EPHA2: variants seen among roughly 807,000 people sequenced by gnomAD.
EPHA2 encodes ephrin type-A receptor 2.
In EPHA2, 54 loss-of-function variants were observed where a neutral mutation model predicts 104.9. The ratio of observed to expected loss-of-function variants is 0.51; its 90% CI spans 0.41 to 0.65. The LOEUF (loss-of-function observed/expected upper bound fraction) is 0.65. Ranked by LOEUF, EPHA2 falls within the 30% of genes least tolerant of loss-of-function variation. The probability of loss-of-function intolerance (pLI) is 0.00; values close to 1 mark genes in which losing one functional copy is unlikely to be tolerated. For missense variants in EPHA2, 1,117 were observed against 1,369.5 expected (o/e 0.82, Z 2.91); for synonymous variants, 560 against 559.1 (o/e 1.00, Z -0.02).
chr1:16,151,603 C>G (rs985172902), intron 1 of EPHA2, among the ~76,000 whole-genome samples: 10 of 152,114 alleles, frequency 6.6e-5, no homozygotes, highest in African/African-American at 2.4e-4. Context: ...ATCTTCTCAC[C>G]ACAAAAGCCA....
At chr1:16,133,122 A>T (rs1170007805) in intron 11 of EPHA2, 58 bp downstream of exon 11, 1 of 1,605,824 alleles carries the variant, frequency 6.2e-7, no homozygotes, top group East Asian at 2.2e-5. Context: ...ACAGTCACAG[A>T]CAGAGCCCCT....
rs532315008 is a variant in EPHA2, at chr1:16,142,844, G to A, written c.824-4414C>T. On this transcript the variant is annotated intron_variant, in intron 3 of 16. Transcript: ENST00000358432. ...TGGATAGGTGGATGGCTGGGTGGAG[G>A]GGTGGATAGATGGATGGATGGGGCG... Among the ~76,000 whole-genome samples, 4 of 150,262 alleles carry A rather than the reference G, an allele frequency of 2.7e-5. No homozygotes were observed. The South Asian group carries it at 8.6e-4, about 32-fold the overall frequency.
chr1:16,141,506 GGA>G (rs755516372), intron 3 of EPHA2, among the ~76,000 whole-genome samples: 16 of 152,240 alleles, frequency 1.1e-4, no homozygotes, highest in Non-Finnish European at 1.9e-4. Flanking sequence ...ACTTGTCTGT[GGA>G]GGAGACTTCA....
In EPHA2 at chr1:16,135,139, G is replaced by C; in HGVS notation, c.1479C>G (p.Thr493=). 6.2e-7 allele frequency: 1 copy of C among 1,614,044 alleles called. No individual in the cohort carries two copies. The highest frequency in any genetic ancestry group is 8.5e-7 in the Non-Finnish European group (1 of 1,180,024). ...TGGTGTCTGGGGCCAGGTCGTCCAG[G>C]GTCACGGAGAAACCCTCGGTGCGGC... is the stretch of plus-strand genomic sequence containing the variant. The part of the protein sequence containing the change: ...NVRRTEGFSV[T]LDDLAPDTTY... The change falls in exon 7 of 17, where the codon ACC becomes ACG. Residue 493 remains threonine (T), a synonymous_variant. Coordinates refer to ENST00000358432, the MANE Select transcript of EPHA2 (RefSeq NM_004431.5). The surrounding 1 kb of genome is among the most constrained non-coding windows in gnomAD (Gnocchi z 4.3).
intron 16 of EPHA2, among the ~76,000 whole-genome samples, chr1:16,126,862 T>C (rs1257785619): frequency 6.6e-6 from 1 of 152,060 alleles, no homozygotes; most frequent in African/African-American, 2.4e-5. Context: ...TCTGGGCCCA[T>C]CACCCCCACA....
rs1013637282 is a variant in EPHA2 at position 16,125,003 on chromosome 1, C to T, written c.*212G>A. 7 of 598,280 alleles carry T rather than the reference C, an allele frequency of 1.2e-5. No homozygotes were observed. Among genetic ancestry groups the T allele is most frequent in the Middle Eastern group, 4.1e-4 (1 of 2,428 alleles). 37.1% of individuals were successfully genotyped at this position (598,280 alleles called of 1,614,324 possible). On this transcript the variant is annotated 3_prime_UTR_variant, in exon 17 of 17. Coordinates refer to ENST00000358432, the MANE Select transcript of EPHA2 (RefSeq NM_004431.5). The surrounding 1 kb of genome is among the most constrained non-coding windows in gnomAD (Gnocchi z 4.9). ...TGCCTGCTAAGTGCTCAGCTGTGTG[C>T]GTCTCGCAGGGAAAGAGGGCCCAGC...
Position 16,134,002 on chromosome 1 carries a change from T to TCCTAGGACCAA in EPHA2, c.1683-88_1683-87insTTGGTCCTAGG. On this transcript the variant is annotated intron_variant, in intron 8 of 16. Transcript: ENST00000358432. The surrounding 1 kb of genome is among the most constrained non-coding windows in gnomAD (Gnocchi z 4.5). Reference sequence around the variant, plus strand: ...AAGCCTCCTGGCCCTACTTTGGTCCTAGGAGGACCTGGGGTGCTCAGAATG... The same window carrying TCCTAGGACCAA: ...AAGCCTCCTGGCCCTACTTTGGTCCTCCTAGGACCAAAGGAGGACCTGGGGTGCTCAGAATG... The TCCTAGGACCAA allele has an allele frequency of 7.2e-7, 1 of 1,387,220 alleles. No individual in the cohort carries two copies. The highest frequency in any genetic ancestry group is 9.8e-7 in the Non-Finnish European group (1 of 1,016,606). The allele number at this position is 1,387,220 out of a possible 1,614,324, so 85.9% of individuals were successfully genotyped here.
Position 16,131,938 on chromosome 1 carries a change from C to A in EPHA2, c.2326-68G>T. On this transcript the variant is annotated intron_variant, in intron 13 of 16. Coordinates refer to ENST00000358432, the MANE Select transcript of EPHA2 (RefSeq NM_004431.5). The surrounding 1 kb of genome is among the most constrained non-coding windows in gnomAD (Gnocchi z 5.2). ...GGCCCCAGGACCATTGCAGCCAAGC[C>A]CCACGACCCCTCCCTGGACTCCTAC... 1 of 1,599,578 alleles carries A rather than the reference C, an allele frequency of 6.3e-7. No homozygotes were observed. The highest frequency in any genetic ancestry group is 8.5e-7 in the Non-Finnish European group (1 of 1,172,300).
rs777969381 is a variant in EPHA2, at chr1:16,129,414, C to T, written c.2825+20G>A. 2.1e-5 allele frequency: 33 copies of T among 1,609,446 alleles called. No homozygotes were observed. The highest frequency in any genetic ancestry group is 5.0e-5 in the Admixed American group (3 of 59,890). On this transcript the variant is annotated intron_variant, in intron 16 of 16. Coordinates refer to ENST00000358432, the MANE Select transcript of EPHA2 (RefSeq NM_004431.5). ...GTGGGAGGCGGGAGGCGAGGGGGGA[C>T]GGAAAGGGGCCTGACTTACTCGTTG...
chr1:16,126,436 G>A (rs573578865), intron 16 of EPHA2, among the ~76,000 whole-genome samples: 1 of 152,304 alleles, frequency 6.6e-6, no homozygotes, highest in Non-Finnish European at 1.5e-5. Flanking sequence ...CAGGCTCCGG[G>A]AGCCCCGGCA....
At chr1:16,139,729 G>A (rs944367308) in intron 3 of EPHA2, among the ~76,000 whole-genome samples, 2 of 152,166 alleles carry the variant, frequency 1.3e-5, no homozygotes, top group South Asian at 4.1e-4. Flanking sequence ...TGACTAATAC[G>A]GAAGGTATGA....
At position 16,134,170 on chromosome 1, in the gene EPHA2, C is replaced by T. The variant is rs1295882805; in HGVS notation, c.1683-255G>A. On this transcript the variant is annotated intron_variant, in intron 8 of 16. Coordinates refer to ENST00000358432, the MANE Select transcript of EPHA2 (RefSeq NM_004431.5). This position sits in a 1 kb window ranked among gnomAD's most constrained non-coding sequence, Gnocchi z 4.5. ...GCCCCAGAATGGCCCCTTAAGCAGT[C>T]GTGACGAAGGCATTCCCATTAGAGC... Among the ~76,000 whole-genome samples the T allele has an allele frequency of 2.6e-5, 4 of 152,110 alleles. No individual in the cohort carries two copies. The highest frequency in any genetic ancestry group is 1.3e-4 in the Admixed American group (2 of 15,278).
chr1:16,148,319 A>T lies in EPHA2; in HGVS notation c.823+59T>A, dbSNP rs992600071. On this transcript the variant is annotated intron_variant, in intron 3 of 16. Coordinates refer to ENST00000358432, the MANE Select transcript of EPHA2 (RefSeq NM_004431.5). The surrounding 1 kb of genome is among the most constrained non-coding windows in gnomAD (Gnocchi z 4.9). ...ACCAAGATTCCATGATTCCAAAGCT[A>T]AAGACCAGAACCTGGGAATGCAGAA... is the stretch of plus-strand genomic sequence containing the variant. 49 of 1,600,582 alleles carry T rather than the reference A, an allele frequency of 3.1e-5. No individual in the cohort carries two copies. The highest frequency in any genetic ancestry group is 4.1e-5 in the Non-Finnish European group (48 of 1,173,572).
intron 3 of EPHA2, 97 bp from the exon 4 acceptor site, chr1:16,138,527 G>A: frequency 6.4e-7 from 1 of 1,561,736 alleles, no homozygotes; most frequent in Non-Finnish European, 8.8e-7. Context: ...CCCCTGCCCT[G>A]CAAGCAGGTC....
intron 3 of EPHA2, among the ~76,000 whole-genome samples, chr1:16,140,366 C>T (rs1243203609): frequency 6.6e-6 from 1 of 152,224 alleles, no homozygotes; most frequent in Non-Finnish European, 1.5e-5. Context: ...GACCCGACTC[C>T]TGCTCTGCAC....
Position 16,155,990 on chromosome 1 carries a change from G to A in EPHA2, c.-58C>T. The A allele has an allele frequency of 7.3e-7, 1 of 1,376,288 alleles. No individual in the cohort carries two copies. The highest frequency in any genetic ancestry group is 9.5e-7 in the Non-Finnish European group (1 of 1,055,360). 85.3% of individuals were successfully genotyped at this position (1,376,288 alleles called of 1,614,324 possible). A position where few individuals can be genotyped will look rare whatever the true frequency, so the allele number is the denominator to read the frequency against. On this transcript the variant is annotated 5_prime_UTR_variant, in exon 1 of 17. Coordinates refer to ENST00000358432, the MANE Select transcript of EPHA2 (RefSeq NM_004431.5). ...GAGCCCGGCTCCCGCACACCCGCAC[G>A]CCTGCACGCCGGCCTCGGTGTCCGC... is the stretch of plus-strand genomic sequence containing the variant.
Position 16,125,896 on chromosome 1 carries a change from T to A in EPHA2, c.2826-576A>T, listed in dbSNP as rs1200169771. Among the ~76,000 whole-genome samples the A allele has an allele frequency of 2.0e-5, 3 of 152,084 alleles. No individual in the cohort carries two copies. The highest frequency in any genetic ancestry group is 4.4e-5 in the Non-Finnish European group (3 of 67,990). ...ACCTGCTGCCTCATTTCTCCCTCACTCCTTCCAAGTTCCCACTGCTGATCA... is the reference window on the plus strand; with the variant it reads ...ACCTGCTGCCTCATTTCTCCCTCACACCTTCCAAGTTCCCACTGCTGATCA... On this transcript the variant is annotated intron_variant, in intron 16 of 16. Transcript: ENST00000358432. The surrounding 1 kb of genome is among the most constrained non-coding windows in gnomAD (Gnocchi z 4.9).
chr1:16,125,149 C>T lies in EPHA2; in HGVS notation c.*66G>A. On this transcript the variant is annotated 3_prime_UTR_variant, in exon 17 of 17. Coordinates refer to ENST00000358432, the MANE Select transcript of EPHA2 (RefSeq NM_004431.5). The surrounding 1 kb of genome is among the most constrained non-coding windows in gnomAD (Gnocchi z 4.9). ...AAGTCCCCAGTGGCCCAGCATGGCACAGCAGGGAGGCCACTCTGTTTCTTC... is the reference window on the plus strand; with the variant it reads ...AAGTCCCCAGTGGCCCAGCATGGCATAGCAGGGAGGCCACTCTGTTTCTTC... The T allele has an allele frequency of 6.9e-7, 1 of 1,447,640 alleles. No individual in the cohort carries two copies. The allele number at this position is 1,447,640 out of a possible 1,614,324, so 89.7% of individuals were successfully genotyped here. A position where few individuals can be genotyped will look rare whatever the true frequency, so the allele number is the denominator to read the frequency against.
chr1:16,145,736 A>G lies in EPHA2; in HGVS notation c.823+2642T>C, dbSNP rs566251506. Among the ~76,000 whole-genome samples, 6 of 152,288 alleles carry G rather than the reference A, an allele frequency of 3.9e-5. No homozygotes were observed. In the East Asian group the frequency reaches 9.7e-4, roughly 24 times the overall value. On this transcript the variant is annotated intron_variant, in intron 3 of 16. Coordinates refer to ENST00000358432, the MANE Select transcript of EPHA2 (RefSeq NM_004431.5). The stretch of plus-strand genomic sequence containing the variant: ...TGGCCAGAGAGCCTACCCCAGGGCC[A>G]GGAGCTGAGTCAGGGATTCCAAAGG...
Sources: allele counts gnomAD v4.1 joint callset (sites outside exome capture counted in the v4.1 genomes callset), GRCh38; gene constraint gnomAD v4.1.1; non-coding constraint Gnocchi (gnomAD v3.1); transcripts MANE v1.5; gene names NCBI Gene and HGNC (gene_info 2026-07-23, HGNC 2026-07-21).